Variants in LUZP2 observed in about 807,000 individuals in gnomAD.
LUZP2 encodes the protein leucine zipper protein 2.
Under a neutral mutation model 51.6 loss-of-function variants are expected in LUZP2, and 52 were observed. The ratio of observed to expected loss-of-function variants is 1.01; its 90% CI spans 0.81 to 1.27. The LOEUF is 1.27. Among genes scored for constraint, LUZP2 ranks in the 50% most tolerant of loss-of-function variants. The pLI, the probability that LUZP2 is intolerant of heterozygous loss-of-function variation, is 0.00. For synonymous variants in LUZP2, 154 were observed against 137.3 expected (o/e 1.12, Z -0.85); for missense variants, 436 against 395.4 (o/e 1.10, Z -0.87).
intron 5 of LUZP2, among the ~76,000 whole-genome samples, chr11:24,810,728 A>T (rs1221038137): frequency 1.3e-5 from 2 of 152,198 alleles, no homozygotes; most frequent in Admixed American, 1.3e-4. Context: ...TATAATTTTA[A>T]AAGATAATCT....
chr11:24,707,654 G>A (rs1857642900), intron 1 of LUZP2, among the ~76,000 whole-genome samples: 1 of 152,006 alleles, frequency 6.6e-6, no homozygotes, highest in Non-Finnish European at 1.5e-5. Flanking sequence ...AGGAGAAGGT[G>A]GGTCTCTCAG....
At chr11:24,516,555 T>A (rs1033644606) in intron 1 of LUZP2, among the ~76,000 whole-genome samples, 1 of 152,192 alleles carries the variant, frequency 6.6e-6, no homozygotes, top group East Asian at 1.9e-4. Context: ...TAAAGTTTGT[T>A]TTCTTTTTTG....
chr11:24,863,243 C>T (rs1392649235), intron 5 of LUZP2, among the ~76,000 whole-genome samples: 7 of 152,084 alleles, frequency 4.6e-5, no homozygotes, highest in Non-Finnish European at 7.4e-5. Flanking sequence ...CATACCAAAA[C>T]ATGTACATGA....
rs35765058 is a variant in LUZP2, at chr11:24,695,887, T to TA, written c.63-33272dup. Among the ~76,000 whole-genome samples the TA allele has an allele frequency of 7.1e-4, 103 of 144,946 alleles. 2 individuals are homozygous for TA. The South Asian group carries it at 0.014, about 19-fold the overall frequency. ...AATTTAAAATATGCATATACTTTTC[T>TA]AAAAAAAAAAGCCTTTGAGGTGGGG... On this transcript the variant is annotated intron_variant, in intron 1 of 11. Transcript: ENST00000336930.
At chr11:24,929,349 C>T (rs553395410) in intron 7 of LUZP2, among the ~76,000 whole-genome samples, 1 of 152,050 alleles carries the variant, frequency 6.6e-6, no homozygotes, top group Admixed American at 6.6e-5. Context: ...TTTATGTAGG[C>T]ATTTAATGCT....
At chr11:24,987,495 G>T (rs894201637) in intron 9 of LUZP2, among the ~76,000 whole-genome samples, 1 of 151,794 alleles carries the variant, frequency 6.6e-6, no homozygotes, top group African/African-American at 2.4e-5. Context: ...CATATGTCAC[G>T]CCATCCCAGG....
chr11:24,636,119 G>A (rs1053866212), intron 1 of LUZP2, among the ~76,000 whole-genome samples: 1 of 152,076 alleles, frequency 6.6e-6, no homozygotes, highest in Non-Finnish European at 1.5e-5. Flanking sequence ...GAACCAGGAA[G>A]ATTTTTTTAT....
chr11:25,027,404 T>C (rs1210497006), intron 9 of LUZP2, among the ~76,000 whole-genome samples: 6 of 152,124 alleles, frequency 3.9e-5, no homozygotes, highest in African/African-American at 1.2e-4. Context: ...CAACTTTATG[T>C]TAGTTAAAAA....
chr11:24,578,781 G>A (rs1351179085), intron 1 of LUZP2, among the ~76,000 whole-genome samples: 2 of 152,030 alleles, frequency 1.3e-5, no homozygotes, highest in Non-Finnish European at 1.5e-5. Context: ...GAAGGCAGAA[G>A]GAGGGAGGGG....
rs556145728 is a variant in LUZP2, at chr11:25,000,034, C to G, written c.765+16741C>G. ...ATATCCTGCTGATTGGTCCATTTTA[C>G]AGAGCACTGATTGATCCATTTTACA... On this transcript the variant is annotated intron_variant, in intron 9 of 11. Transcript: ENST00000336930. Among the ~76,000 whole-genome samples, 36 of 152,266 alleles carry G rather than the reference C, an allele frequency of 2.4e-4. No homozygotes were observed. The South Asian group carries it at 6.6e-3, about 28-fold the overall frequency.
chr11:24,639,897 C>T (rs924619536), intron 1 of LUZP2, among the ~76,000 whole-genome samples: 44 of 151,870 alleles, frequency 2.9e-4, no homozygotes, highest in Admixed American at 2.3e-3. Flanking sequence ...CTTTCTTTTA[C>T]ACCTCAATGC....
intron 1 of LUZP2, among the ~76,000 whole-genome samples, chr11:24,527,517 G>A (rs1163929053): frequency 6.6e-6 from 1 of 150,798 alleles, no homozygotes; most frequent in African/African-American, 2.4e-5. Flanking sequence ...TAACAAAAGT[G>A]TGAGAATCTC....
chr11:24,878,260 G>A (rs959284765), intron 5 of LUZP2, among the ~76,000 whole-genome samples: 1 of 151,900 alleles, frequency 6.6e-6, no homozygotes, highest in Non-Finnish European at 1.5e-5. Context: ...GCTTTTATTT[G>A]TCTGGGAAAG....
intron 1 of LUZP2, among the ~76,000 whole-genome samples, chr11:24,631,337 A>T (rs1286132896): frequency 6.6e-6 from 1 of 150,558 alleles, no homozygotes; most frequent in East Asian, 1.9e-4. Context: ...GTATATGGCC[A>T]TTATCATTTT....
At chr11:25,004,993 G>A (rs2133948776) in intron 9 of LUZP2, among the ~76,000 whole-genome samples, 1 of 152,290 alleles carries the variant, frequency 6.6e-6, no homozygotes, top group South Asian at 2.1e-4. Flanking sequence ...TCGAAGGTTT[G>A]CTCTAGACTC....
chr11:25,042,115 T>C (rs1858082468), intron 9 of LUZP2, among the ~76,000 whole-genome samples: 1 of 152,058 alleles, frequency 6.6e-6, no homozygotes, highest in Admixed American at 6.6e-5. Flanking sequence ...ACTTCATATA[T>C]CAATTTGTTA....
intron 5 of LUZP2, among the ~76,000 whole-genome samples, chr11:24,783,783 G>C (rs539777736): frequency 7.2e-5 from 11 of 152,014 alleles, no homozygotes; most frequent in Admixed American, 3.3e-4. Context: ...GGAGGGGAAG[G>C]AGTACTTATT....
chr11:24,702,346 C>T (rs978707882), intron 1 of LUZP2, among the ~76,000 whole-genome samples: 12 of 151,006 alleles, frequency 7.9e-5, no homozygotes, highest in African/African-American at 2.9e-4. Context: ...CTCGACATAA[C>T]CAATAAAATC....
chr11:24,774,536 A>AT (rs1491301747), intron 5 of LUZP2, among the ~76,000 whole-genome samples: 112 of 79,490 alleles, frequency 1.4e-3, no homozygotes, highest in African/African-American at 3.7e-3. Context: ...GAATATATAT[A>AT]AAGAATATAT....
Sources: allele counts gnomAD v4.1 joint callset (sites outside exome capture counted in the v4.1 genomes callset), GRCh38; gene constraint gnomAD v4.1.1; transcripts MANE v1.5; gene names NCBI Gene and HGNC (gene_info 2026-07-23, HGNC 2026-07-21).